Variants in SPACA6 observed in about 807,000 individuals in gnomAD.
SPACA6 encodes the protein sperm acrosome membrane-associated protein 6.
For missense variants in SPACA6, 8 were observed against 2.8 expected (o/e 2.88, Z -1.34); for synonymous variants, 6 against 1.5 (o/e 4.05, Z -2.21).
chr19:51,710,143 A>G (rs1255869085), downstream of SPACA6, among the ~76,000 whole-genome samples: 1 of 152,252 alleles, frequency 6.6e-6, no homozygotes, highest in East Asian at 1.9e-4. Flanking sequence ...TTAACATTAC[A>G]TAGTTCCTGC....
intron 2 of SPACA6, among the ~76,000 whole-genome samples, chr19:51,711,608 A>G (rs1382035118): frequency 6.6e-6 from 1 of 152,258 alleles, no homozygotes; most frequent in African/African-American, 2.4e-5. Flanking sequence ...TAGTAGCATC[A>G]TTCATACAGC....
downstream of SPACA6, among the ~76,000 whole-genome samples, chr19:51,712,554 A>T (rs1275978225): frequency 1.0e-5 from 1 of 97,432 alleles, no homozygotes; most frequent in Admixed American, 9.2e-5. Flanking sequence ...GAACTGCTGG[A>T]GTGAAGTCTT....
intron 2 of SPACA6, among the ~76,000 whole-genome samples, chr19:51,710,628 G>C (rs1231378371): frequency 6.6e-6 from 1 of 152,174 alleles, no homozygotes; most frequent in Non-Finnish European, 1.5e-5. Flanking sequence ...CTGAAGATCT[G>C]TTTGGGAGTC....
upstream of SPACA6, among the ~76,000 whole-genome samples, chr19:51,690,058 G>A (rs2083356515): frequency 6.7e-6 from 1 of 149,834 alleles, no homozygotes; most frequent in African/African-American, 2.5e-5. Context: ...TGGGCTGCCA[G>A]ACAGGCCAGG....
At chr19:51,690,088 G>T (rs1476815876), upstream of SPACA6, among the ~76,000 whole-genome samples, 4 of 151,446 alleles carry the variant, frequency 2.6e-5, no homozygotes, top group Non-Finnish European at 5.9e-5. Context: ...GGGGGCAGGA[G>T]ATGTCTGGAG....
At chr19:51,706,599 CCT>C (rs755652324), downstream of SPACA6, among the ~76,000 whole-genome samples, 2 of 152,212 alleles carry the variant, frequency 1.3e-5, no homozygotes, top group African/African-American at 4.8e-5. Flanking sequence ...TCTCTAACTA[CCT>C]CTCTCTCCCT....
chr19:51,707,011 T>C (rs2083519143), downstream of SPACA6, among the ~76,000 whole-genome samples: 1 of 152,192 alleles, frequency 6.6e-6, no homozygotes, highest in South Asian at 2.1e-4. Context: ...AAAGGGAAGC[T>C]CCTTTTGAGC....
At chr19:51,706,960 C>T (rs182113191), downstream of SPACA6, among the ~76,000 whole-genome samples, 10 of 152,272 alleles carry the variant, frequency 6.6e-5, 1 homozygote, top group African/African-American at 2.2e-4. Flanking sequence ...CGCTCCCAGC[C>T]GTTAACTCAT....
chr19:51,712,870 G>T (rs993914066), downstream of SPACA6, among the ~76,000 whole-genome samples: 23 of 152,190 alleles, frequency 1.5e-4, no homozygotes, highest in African/African-American at 5.3e-4. Context: ...TGCAGTACCT[G>T]CCAGTGTGCG....
chr19:51,698,246 G>A (rs1312434870), intron 2 of SPACA6, among the ~76,000 whole-genome samples: 1 of 152,146 alleles, frequency 6.6e-6, no homozygotes, highest in African/African-American at 2.4e-5. Context: ...CCAGGACTCA[G>A]ACCCAGATGA....
the SPACA6 span, among the ~76,000 whole-genome samples, chr19:51,683,241 G>T: frequency 6.6e-6 from 1 of 152,054 alleles, no homozygotes; most frequent in African/African-American, 2.4e-5. Context: ...ATCATCACAT[G>T]GCCTTCTTCC....
intron 2 of SPACA6, among the ~76,000 whole-genome samples, chr19:51,696,189 C>T (rs1008682037): frequency 6.6e-6 from 1 of 151,972 alleles, no homozygotes; most frequent in African/African-American, 2.4e-5. Flanking sequence ...CCTCTGGGGT[C>T]GTGTCAAAGA....
At chr19:51,690,783 T>C (rs1413751583), upstream of SPACA6, among the ~76,000 whole-genome samples, 3 of 151,938 alleles carry the variant, frequency 2.0e-5, no homozygotes, top group African/African-American at 7.3e-5. Flanking sequence ...GTGGGGGAGA[T>C]GCTTAGGTCC....
At chr19:51,688,454 G>A (rs1036865311), upstream of SPACA6, 1 of 152,420 alleles carries the variant, frequency 6.6e-6, no homozygotes, top group Non-Finnish European at 1.5e-5. Context: ...CCGGGATTGG[G>A]ACTGTCTGCG....
Position 51,702,995 on chromosome 19 carries a change from C to G in SPACA6, c.386-26C>G, listed in dbSNP as rs113019570. The G allele has an allele frequency of 2.8e-3, 1,120 of 399,196 alleles. 10 individuals are homozygous for G. Among genetic ancestry groups the G allele is most frequent in the African/African-American group, 0.021 (1,036 of 48,772 alleles). The allele number at this position is 399,196 out of a possible 1,614,324, so 24.7% of individuals were successfully genotyped here. A position where few individuals can be genotyped will look rare whatever the true frequency, so the allele number is the denominator to read the frequency against. The stretch of plus-strand genomic sequence containing the variant: ...CCGGGCTTGGAAGGGCAGGTGGCGC[C>G]TAGACCCAGCGTTCCCGCTCCACAG... On this transcript the variant is annotated intron_variant, in intron 4 of 8. Coordinates refer to ENST00000637797, the MANE Select transcript of SPACA6 (RefSeq NM_001316972.2).
downstream of SPACA6, among the ~76,000 whole-genome samples, chr19:51,709,531 CAAA>C (rs56170768): frequency 2.4e-4 from 13 of 54,460 alleles, no homozygotes; most frequent in Admixed American, 2.8e-4. Flanking sequence ...AAAAAAAAGG[CAAA>C]AAAAAAAAAA....
downstream of SPACA6, among the ~76,000 whole-genome samples, chr19:51,706,375 C>T (rs1239513317): frequency 2.6e-5 from 4 of 152,114 alleles, no homozygotes; most frequent in Non-Finnish European, 5.9e-5. Context: ...GACAAGTCTG[C>T]GCGGCTGGCA....
chr19:51,695,511 C>T (rs1267050139), intron 2 of SPACA6, among the ~76,000 whole-genome samples: 3 of 152,208 alleles, frequency 2.0e-5, no homozygotes, highest in Non-Finnish European at 2.9e-5. Flanking sequence ...TCAACAATCC[C>T]GGAAGAGGGA....
chr19:51,706,753 G>A (rs543881408), downstream of SPACA6, among the ~76,000 whole-genome samples: 2 of 151,896 alleles, frequency 1.3e-5, no homozygotes, highest in Non-Finnish European at 2.9e-5. Context: ...TCCACCTCCC[G>A]GGTTCAAGCG....
Sources: allele counts gnomAD v4.1 joint callset (sites outside exome capture counted in the v4.1 genomes callset), GRCh38; gene constraint gnomAD v4.1.1; transcripts MANE v1.5; gene names NCBI Gene and HGNC (gene_info 2026-07-23, HGNC 2026-07-21).